The following ABLIM1 variants were observed in gnomAD, a reference collection of about 807,000 sequenced individuals.
The protein encoded by ABLIM1 is actin-binding LIM protein 1.
A neutral mutation model predicts 107.0 loss-of-function variants in ABLIM1; 40 were observed. That is an observed-to-expected ratio of 0.37 (90% CI 0.29 to 0.49). ABLIM1 has a LOEUF of 0.49. ABLIM1 is among the 20% of genes least tolerant of loss of function. The pLI is 0.97. For missense variants in ABLIM1, 857 were observed against 1,008.5 expected, an observed-to-expected ratio of 0.85 and a Z score of 2.04; for synonymous variants, 357 against 357.3, an observed-to-expected ratio of 1.00 and a Z score of 0.01.
chr10:114,483,751 A>AG (rs1474582809), intron 8 of ABLIM1, among the ~76,000 whole-genome samples: 1 of 152,260 alleles, frequency 6.6e-6, no homozygotes. Context: ...TGACAGGCAC[A>AG]GAATGTACAG....
At chr10:114,782,940 C>T in the ABLIM1 span, among the ~76,000 whole-genome samples, 4 of 152,026 alleles carry the variant, frequency 2.6e-5, no homozygotes, top group Non-Finnish European at 5.9e-5. Flanking sequence ...AAGTATATTG[C>T]AGTTCCGTTT....
intron 3 of ABLIM1, among the ~76,000 whole-genome samples, chr10:114,572,848 C>T (rs2071894490): frequency 6.6e-6 from 1 of 152,166 alleles, no homozygotes; most frequent in Non-Finnish European, 1.5e-5. Flanking sequence ...CAGGAGTGGA[C>T]CCAGACACAG....
chr10:114,455,882 G>A (rs1251574503), intron 12 of ABLIM1, among the ~76,000 whole-genome samples: 1 of 147,992 alleles, frequency 6.8e-6, no homozygotes, highest in Non-Finnish European at 1.5e-5. Flanking sequence ...GCGCGATCTT[G>A]GCTCACTGCA....
At chr10:114,756,072 G>C (rs1348708966) in intron 1 of ABLIM1, among the ~76,000 whole-genome samples, 2 of 100,220 alleles carry the variant, frequency 2.0e-5, no homozygotes. Flanking sequence ...GGAATTGTGA[G>C]TGTGTTTGTG....
upstream of ABLIM1, among the ~76,000 whole-genome samples, chr10:114,769,839 A>G (rs968979248): frequency 6.6e-6 from 1 of 152,236 alleles, no homozygotes; most frequent in Non-Finnish European, 1.5e-5. Flanking sequence ...TCAAATGCCA[A>G]CTACAAAAAT....
chr10:114,467,826 G>C (rs1208039288), intron 11 of ABLIM1, among the ~76,000 whole-genome samples: 1 of 152,190 alleles, frequency 6.6e-6, no homozygotes, highest in Admixed American at 6.5e-5. Context: ...CATGATGGCT[G>C]TTGGCCATTT....
chr10:114,588,291 G>A (rs1162835144), intron 2 of ABLIM1, among the ~76,000 whole-genome samples: 3 of 151,948 alleles, frequency 2.0e-5, no homozygotes, highest in Admixed American at 2.0e-4. Context: ...AGTCAGGTAA[G>A]GGTAGAGCAT....
chr10:114,513,980 G>C (rs562184401), intron 6 of ABLIM1, among the ~76,000 whole-genome samples: 27 of 152,226 alleles, frequency 1.8e-4, no homozygotes, highest in Non-Finnish European at 3.4e-4. Flanking sequence ...CTATACTCAA[G>C]GAATAACTGC....
chr10:114,678,901 T>C (rs1408020101), intron 1 of ABLIM1, among the ~76,000 whole-genome samples: 2 of 152,212 alleles, frequency 1.3e-5, no homozygotes, highest in East Asian at 3.8e-4. Flanking sequence ...TGTCTATTCA[T>C]GCCAATACCA....
intron 1 of ABLIM1, among the ~76,000 whole-genome samples, chr10:114,719,692 C>T (rs1479946240): frequency 6.6e-6 from 1 of 152,178 alleles, no homozygotes; most frequent in South Asian, 2.1e-4. Context: ...ATGATCCCAG[C>T]AGCTTTGTGC....
chr10:114,446,169 T>C (rs1216467578), intron 15 of ABLIM1, among the ~76,000 whole-genome samples: 1 of 152,258 alleles, frequency 6.6e-6, no homozygotes, highest in African/African-American at 2.4e-5. Context: ...CTTGTAGTTT[T>C]CTCTTTTTCT....
chr10:114,536,323 C>T (rs1378549050), intron 6 of ABLIM1, among the ~76,000 whole-genome samples: 3 of 139,318 alleles, frequency 2.2e-5, no homozygotes, highest in Non-Finnish European at 3.0e-5. Context: ...TCTCAGCTCA[C>T]TGCAACCTCT....
At chr10:114,505,799 T>G (rs1306006763) in intron 6 of ABLIM1, among the ~76,000 whole-genome samples, 1 of 152,186 alleles carries the variant, frequency 6.6e-6, no homozygotes, top group African/African-American at 2.4e-5. Context: ...ATTATAAATA[T>G]TTTCCCATCC....
intron 1 of ABLIM1, among the ~76,000 whole-genome samples, chr10:114,718,010 G>A (rs574576342): frequency 1.3e-3 from 167 of 126,880 alleles, no homozygotes; most frequent in African/African-American, 4.5e-3. Context: ...AAGGAAGGAA[G>A]GAAGGAAGGA....
intron 4 of ABLIM1, among the ~76,000 whole-genome samples, chr10:114,554,456 A>C (rs2068470075): frequency 6.6e-6 from 1 of 152,244 alleles, no homozygotes; most frequent in Non-Finnish European, 1.5e-5. Context: ...CACTTTGAGA[A>C]GCCAAGGCAA....
intron 6 of ABLIM1, among the ~76,000 whole-genome samples, chr10:114,524,438 TAAA>T (rs765441191): frequency 6.6e-6 from 1 of 151,680 alleles, no homozygotes; most frequent in Non-Finnish European, 1.5e-5. Context: ...GCCCAATTCC[TAAA>T]AAAATCAAAA....
In ABLIM1 at chr10:114,716,222, G is replaced by A. The variant is rs181050313; in HGVS notation, c.-213+51839C>T. Reference sequence around the variant, plus strand: ...GGGAAGTAACTATCCAATAAGAAGTGGAGAAAATACAGAAGCTTTTGTCAT... The same window carrying A: ...GGGAAGTAACTATCCAATAAGAAGTAGAGAAAATACAGAAGCTTTTGTCAT... On this transcript the variant is annotated intron_variant, in intron 1 of 15. Coordinates refer to the ABLIM1 transcript ENST00000651092. Among the ~76,000 whole-genome samples, 5 of 152,254 alleles carry A rather than the reference G, an allele frequency of 3.3e-5. No individual in the cohort carries two copies. The East Asian group carries it at 9.7e-4, about 29-fold the overall frequency.
intron 6 of ABLIM1, among the ~76,000 whole-genome samples, chr10:114,517,153 T>C (rs1303228128): frequency 6.6e-6 from 1 of 152,182 alleles, no homozygotes; most frequent in African/African-American, 2.4e-5. Context: ...AGTTGAACTG[T>C]GGTCCCCCAA....
chr10:114,545,335 G>A (rs568856411), intron 5 of ABLIM1, among the ~76,000 whole-genome samples: 5 of 152,324 alleles, frequency 3.3e-5, no homozygotes, highest in South Asian at 2.1e-4. Flanking sequence ...CAGCCATGTC[G>A]CCATATGGTC....
Sources: gnomAD v4.1 joint callset for allele counts (sites outside exome capture counted in the v4.1 genomes callset) on GRCh38, gnomAD v4.1.1 for gene constraint, MANE v1.5 for transcripts, NCBI Gene and HGNC (gene_info 2026-07-23, HGNC 2026-07-21) for gene names.